OR56A3: variants seen among roughly 807,000 people sequenced by gnomAD.
The protein encoded by OR56A3 is olfactory receptor 56A3.
A neutral mutation model predicts 17.5 loss-of-function variants in OR56A3; 23 were observed. That is an observed-to-expected ratio of 1.32 (90% CI 0.95 to 1.87). OR56A3 has a LOEUF of 1.87. Among genes scored for constraint, OR56A3 ranks in the 40% most tolerant of loss-of-function variants. The pLI is 0.00. For synonymous variants in OR56A3, 175 were observed against 150.6 expected (o/e 1.16, Z -1.19); for missense variants, 366 against 380.1 (o/e 0.96, Z 0.31).
chr11:5,990,216 A>C, the OR56A3 span, among the ~76,000 whole-genome samples: 1 of 152,242 alleles, frequency 6.6e-6, no homozygotes, highest in Non-Finnish European at 1.5e-5. Context: ...TGGCTGAATA[A>C]GTAAACACTC....
chr11:5,991,869 G>A, the OR56A3 span, among the ~76,000 whole-genome samples: 1 of 152,166 alleles, frequency 6.6e-6, no homozygotes, highest in Non-Finnish European at 1.5e-5. Context: ...GGTCCCAGAG[G>A]ACTCATAGAC....
At chr11:5,979,309 A>G in the OR56A3 span, among the ~76,000 whole-genome samples, 1 of 151,902 alleles carries the variant, frequency 6.6e-6, no homozygotes, top group Admixed American at 6.6e-5. Context: ...GCGCTTCTTT[A>G]CACATCTTGA....
the OR56A3 span, among the ~76,000 whole-genome samples, chr11:6,004,187 A>G: frequency 1.3e-5 from 2 of 152,152 alleles, no homozygotes; most frequent in South Asian, 2.1e-4. Flanking sequence ...CCTCGTCTCT[A>G]TTAAAAATAC....
At chr11:5,970,791 C>G in the OR56A3 span, among the ~76,000 whole-genome samples, 1 of 151,944 alleles carries the variant, frequency 6.6e-6, no homozygotes, top group African/African-American at 2.4e-5. Flanking sequence ...CTTTCTCTCC[C>G]GAATCCACTA....
the OR56A3 span, chr11:6,017,012 C>T: frequency 6.6e-6 from 1 of 151,936 alleles, no homozygotes; most frequent in South Asian, 2.1e-4. Context: ...GGCCATACCA[C>T]CCTGAATGCA....
the OR56A3 span, chr11:5,986,926 G>A: frequency 3.7e-6 from 6 of 1,611,792 alleles, no homozygotes; most frequent in Non-Finnish European, 5.1e-6. Flanking sequence ...AGAAACCAAA[G>A]TCATGATTTC....
At chr11:5,994,399 C>T in the OR56A3 span, 11 of 721,198 alleles carry the variant, frequency 1.5e-5, no homozygotes, top group East Asian at 2.7e-5. Flanking sequence ...GCCAGCTCGT[C>T]GTATTGTTCC....
At chr11:5,958,255 C>G in the OR56A3 span, among the ~76,000 whole-genome samples, 1 of 152,002 alleles carries the variant, frequency 6.6e-6, no homozygotes, top group African/African-American at 2.4e-5. Flanking sequence ...GGCAGCAAAA[C>G]TAAGATTTTA....
chr11:5,984,406 G>T, the OR56A3 span, among the ~76,000 whole-genome samples: 2 of 152,184 alleles, frequency 1.3e-5, no homozygotes, highest in African/African-American at 4.8e-5. Context: ...TTCAAGTCAT[G>T]GTTGGTGGCC....
At chr11:6,002,555 C>G in the OR56A3 span, 1 of 1,614,188 alleles carries the variant, frequency 6.2e-7, no homozygotes, top group Admixed American at 1.7e-5. Flanking sequence ...AGACCACGGC[C>G]CTAGCCACAA....
downstream of OR56A3, among the ~76,000 whole-genome samples, chr11:5,952,582 G>A (rs1322247637): frequency 1.3e-5 from 2 of 151,232 alleles, no homozygotes; most frequent in African/African-American, 2.4e-5. Context: ...ATTATGGTGG[G>A]GGGGTTGTAG....
At chr11:6,013,986 C>A in the OR56A3 span, among the ~76,000 whole-genome samples, 1 of 152,152 alleles carries the variant, frequency 6.6e-6, no homozygotes, top group Non-Finnish European at 1.5e-5. Context: ...AAACACCTGG[C>A]CCACCACTGC....
At chr11:5,996,335 A>T in the OR56A3 span, among the ~76,000 whole-genome samples, 1 of 152,192 alleles carries the variant, frequency 6.6e-6, no homozygotes, top group Non-Finnish European at 1.5e-5. Flanking sequence ...TTCAGATTTC[A>T]TAATGGGAAG....
At chr11:5,995,042 C>T in the OR56A3 span, 28 of 633,078 alleles carry the variant, frequency 4.4e-5, 1 homozygote, top group Middle Eastern at 4.6e-4. Flanking sequence ...CCTGAGGCCC[C>T]GGCGCCTGCA....
the OR56A3 span, among the ~76,000 whole-genome samples, chr11:5,957,183 A>G: frequency 2.0e-5 from 3 of 152,154 alleles, no homozygotes; most frequent in South Asian, 6.2e-4. Flanking sequence ...AGAGAAAGAC[A>G]AATTAGTGGC....
chr11:5,949,687 C>G lies in OR56A3; in HGVS notation c.*1393C>G, dbSNP rs1238725509. The G allele has an allele frequency of 6.6e-6, 1 of 152,088 alleles. No individual in the cohort carries two copies. Among genetic ancestry groups the G allele is most frequent in the Non-Finnish European group, 1.5e-5 (1 of 68,022 alleles). 9.4% of individuals were successfully genotyped at this position (152,088 alleles called of 1,614,324 possible). ...AAATGTCCGAATGTTTTAAATTTAA[C>G]TGAAAGCATCTGAGATTAAGCCCTG... On this transcript the variant is annotated 3_prime_UTR_variant, in exon 3 of 3. Coordinates refer to ENST00000641160, the MANE Select transcript of OR56A3 (RefSeq NM_001003443.3).
chr11:5,978,318 T>A, the OR56A3 span, among the ~76,000 whole-genome samples: 2 of 152,218 alleles, frequency 1.3e-5, no homozygotes, highest in Non-Finnish European at 2.9e-5. Flanking sequence ...GTTTTAACAA[T>A]ATTGATTGTT....
chr11:5,949,036 G>T lies in OR56A3; in HGVS notation c.*742G>T, dbSNP rs903382593. On this transcript the variant is annotated 3_prime_UTR_variant, in exon 3 of 3. Transcript: ENST00000641160. Reference sequence around the variant, plus strand: ...ATCTTTCAGATCCAATATATCACAGGTTTTGATATGCAAACAAATCTTTAT... The same window carrying T: ...ATCTTTCAGATCCAATATATCACAGTTTTTGATATGCAAACAAATCTTTAT... The T allele has an allele frequency of 6.6e-6, 1 of 152,094 alleles. No individual in the cohort carries two copies. Among genetic ancestry groups the T allele is most frequent in the Admixed American group, 6.5e-5 (1 of 15,274 alleles). 9.4% of individuals were successfully genotyped at this position (152,094 alleles called of 1,614,324 possible).
the OR56A3 span, chr11:5,968,432 G>A: frequency 3.1e-6 from 5 of 1,597,002 alleles, no homozygotes; most frequent in African/African-American, 1.3e-5. Flanking sequence ...TCTGGAAACT[G>A]GGGAAACAAA....
Sources: gnomAD v4.1 joint callset for allele counts (sites outside exome capture counted in the v4.1 genomes callset) on GRCh38, gnomAD v4.1.1 for gene constraint, MANE v1.5 for transcripts, NCBI Gene and HGNC (gene_info 2026-07-23, HGNC 2026-07-21) for gene names.